The following PTPRT variants were observed in gnomAD, a reference collection of about 807,000 sequenced individuals.
PTPRT encodes the protein receptor-type tyrosine-protein phosphatase T.
In PTPRT, 56 loss-of-function variants were observed where a neutral mutation model predicts 176.8. The observed-to-expected ratio is 0.32, with a 90% CI of 0.26 to 0.40. PTPRT has a LOEUF of 0.40. PTPRT is among the 10% of genes least tolerant of loss of function. The pLI is 1.00. For missense variants in PTPRT, 1,540 were observed against 1,908.2 expected (o/e 0.81, Z 3.60); for synonymous variants, 783 against 739.0 (o/e 1.06, Z -0.96).
At position 42,102,296 on chromosome 20, in the gene PTPRT, G is replaced by A; in HGVS notation, c.3542C>T (p.Thr1181Ile). 1 of 1,613,548 alleles carries A rather than the reference G, an allele frequency of 6.2e-7. No homozygotes were observed. Among genetic ancestry groups the A allele is most frequent in the Non-Finnish European group, 8.5e-7 (1 of 1,179,556 alleles). ...CACACGGGGTGTCACAATGTTGAGG[G>A]TCTGTGGGGCACAAAGGTGAATAGA... ...NSSQIKDEFQTLNIVTPRVRP... is the reference protein window; with the variant it reads ...NSSQIKDEFQILNIVTPRVRP... The change falls in exon 26 of 31, where the codon ACC (threonine) becomes ATC (isoleucine). Residue 1181 changes from threonine (T) to isoleucine (I), a missense_variant and splice_region_variant. Thr to Ile is a moderately conservative substitution (Grantham distance 89). Around this residue, in one of 11 missense-constraint regions of PTPRT, gnomAD observed 342 missense variants for 394.0 expected, o/e 0.87. Coordinates refer to ENST00000373187, the MANE Select transcript of PTPRT (RefSeq NM_007050.6).
At chr20:43,121,449 A>G (rs2013254002) in intron 1 of PTPRT, among the ~76,000 whole-genome samples, 1 of 152,250 alleles carries the variant, frequency 6.6e-6, no homozygotes, top group Admixed American at 6.5e-5. Flanking sequence ...GCGATGTATG[A>G]GAGTTTCAGT....
At chr20:42,202,033 G>A (rs916260917) in intron 15 of PTPRT, among the ~76,000 whole-genome samples, 2 of 151,604 alleles carry the variant, frequency 1.3e-5, no homozygotes, top group African/African-American at 2.4e-5. Flanking sequence ...GCAGTGGTGC[G>A]ATTTCAGCTC....
chr20:42,737,487 C>T (rs373353438), intron 6 of PTPRT, among the ~76,000 whole-genome samples: 179 of 152,120 alleles, frequency 1.2e-3, no homozygotes, highest in African/African-American at 4.2e-3. Context: ...AAAAATTAGC[C>T]GGGCATGGTG....
intron 14 of PTPRT, among the ~76,000 whole-genome samples, chr20:42,241,892 TA>T (rs1341730108): frequency 6.6e-6 from 1 of 152,182 alleles, no homozygotes; most frequent in African/African-American, 2.4e-5. Flanking sequence ...GGTCCTGTTT[TA>T]TATTTAATCC....
At chr20:43,024,999 A>G (rs1414711021) in intron 1 of PTPRT, among the ~76,000 whole-genome samples, 2 of 152,162 alleles carry the variant, frequency 1.3e-5, no homozygotes, top group Non-Finnish European at 2.9e-5. Flanking sequence ...AAACATCTCA[A>G]AAGATCATTC....
At chr20:42,664,088 A>T (rs2075272031) in intron 7 of PTPRT, among the ~76,000 whole-genome samples, 1 of 152,216 alleles carries the variant, frequency 6.6e-6, no homozygotes, top group African/African-American at 2.4e-5. Context: ...TTAACAATTT[A>T]AAAAATATAT....
chr20:42,935,041 C>G (rs1980089182), intron 1 of PTPRT, among the ~76,000 whole-genome samples: 1 of 147,418 alleles, frequency 6.8e-6, no homozygotes, highest in African/African-American at 2.5e-5. Flanking sequence ...TGCACCACTG[C>G]ACTCCAGCCT....
intron 9 of PTPRT, among the ~76,000 whole-genome samples, chr20:42,410,762 A>G (rs2059007367): frequency 6.6e-6 from 1 of 152,178 alleles, no homozygotes; most frequent in South Asian, 2.1e-4. Flanking sequence ...AAAATTAATA[A>G]CAGAAAGATA....
At chr20:42,749,384 T>C (rs1421839210) in intron 6 of PTPRT, among the ~76,000 whole-genome samples, 1 of 152,192 alleles carries the variant, frequency 6.6e-6, no homozygotes, top group Non-Finnish European at 1.5e-5. Context: ...TCGGAGAGGC[T>C]ATCCCAGACT....
At position 42,248,904 on chromosome 20, in the gene PTPRT, C is replaced by T. The variant is rs1302554230; in HGVS notation, c.2177-82G>A. 6 of 1,525,690 alleles carry T rather than the reference C, an allele frequency of 3.9e-6. No homozygotes were observed. The Admixed American group carries it at 7.1e-5, about 18-fold the overall frequency. 94.5% of individuals were successfully genotyped at this position (1,525,690 alleles called of 1,614,324 possible). A position where few individuals can be genotyped will look rare whatever the true frequency, so the allele number is the denominator to read the frequency against. ...CAATCATCATAATGACAACAGCTTC[C>T]TTTAGTTGAGTGCTAACTATGTGCC... On this transcript the variant is annotated intron_variant, in intron 13 of 30. Coordinates refer to ENST00000373187, the MANE Select transcript of PTPRT (RefSeq NM_007050.6).
At chr20:42,703,781 C>T (rs1191608207) in intron 6 of PTPRT, among the ~76,000 whole-genome samples, 3 of 152,112 alleles carry the variant, frequency 2.0e-5, no homozygotes, top group Non-Finnish European at 2.9e-5. Context: ...TTTGTAAAAC[C>T]AGATGCCACC....
chr20:42,098,696 C>G, intron 26 of PTPRT, 144 bp from the exon 27 acceptor site: 4 of 1,091,066 alleles, frequency 3.7e-6, no homozygotes, highest in Non-Finnish European at 5.1e-6. Flanking sequence ...TATCTCTCCA[C>G]GCCCTGGCGG....
intron 7 of PTPRT, among the ~76,000 whole-genome samples, chr20:42,652,254 A>G (rs1330179613): frequency 2.6e-5 from 4 of 152,138 alleles, no homozygotes; most frequent in African/African-American, 9.7e-5. Flanking sequence ...TTTAAGGGGA[A>G]TTATCTGCTC....
chr20:42,542,398 A>G (rs200006103), intron 7 of PTPRT, among the ~76,000 whole-genome samples: 13 of 106,460 alleles, frequency 1.2e-4, no homozygotes, highest in East Asian at 9.8e-4. Context: ...TTCCAGGGGG[A>G]AAAAAAATAC....
chr20:42,871,267 TC>T (rs2078841296), intron 2 of PTPRT, among the ~76,000 whole-genome samples: 1 of 151,780 alleles, frequency 6.6e-6, no homozygotes. Context: ...TTCATGTTTC[TC>T]ACCATTTGTT....
chr20:42,103,242 T>C (rs1986120192), intron 25 of PTPRT, among the ~76,000 whole-genome samples: 1 of 152,244 alleles, frequency 6.6e-6, no homozygotes, highest in Admixed American at 6.5e-5. Context: ...GCCACAGCTC[T>C]GACCGCATGG....
intron 1 of PTPRT, among the ~76,000 whole-genome samples, chr20:42,965,270 T>C (rs529855986): frequency 6.6e-6 from 1 of 152,260 alleles, no homozygotes; most frequent in Admixed American, 6.5e-5. Flanking sequence ...TATTTGCTGC[T>C]CTCTGTGGCT....
At chr20:42,816,237 T>C (rs1216863302) in intron 2 of PTPRT, among the ~76,000 whole-genome samples, 1 of 152,074 alleles carries the variant, frequency 6.6e-6, no homozygotes, top group African/African-American at 2.4e-5. Flanking sequence ...TAAAAGTAAG[T>C]AGTGGGGTGT....
At chr20:42,658,792 T>C (rs1178665384) in intron 7 of PTPRT, among the ~76,000 whole-genome samples, 1 of 152,236 alleles carries the variant, frequency 6.6e-6, no homozygotes, top group African/African-American at 2.4e-5. Flanking sequence ...AGACCATATC[T>C]ATTCAATTCT....
Sources: allele counts gnomAD v4.1 joint callset (sites outside exome capture counted in the v4.1 genomes callset), GRCh38; gene constraint gnomAD v4.1.1; regional missense constraint gnomAD v4.1.1; transcripts MANE v1.5; gene names NCBI Gene and HGNC (gene_info 2026-07-23, HGNC 2026-07-21).